CALM3: variants seen among roughly 807,000 people sequenced by gnomAD.
CALM3 encodes the protein calmodulin 3, also known as calmodulin-3.
A neutral mutation model predicts 20.1 loss-of-function variants in CALM3; 5 were observed. That is an observed-to-expected ratio of 0.25 (90% CI 0.13 to 0.52). The LOEUF is 0.52. Among genes scored for constraint, CALM3 ranks in the 20% least tolerant of loss-of-function variants. CALM3 has a pLI of 0.96. For missense variants in CALM3, 57 were observed against 192.8 expected (o/e 0.30, Z 4.17); for synonymous variants, 69 against 68.1 (o/e 1.01, Z -0.06).
rs1036423322 is a variant in CALM3 at position 46,601,375 on chromosome 19, AGCT to A, written c.-54_-52del. The A allele has an allele frequency of 7.4e-6, 11 of 1,493,470 alleles. 1 individual carries two copies. In the Admixed American group the frequency reaches 2.3e-4, roughly 31 times the overall value. 92.5% of individuals were successfully genotyped at this position (1,493,470 alleles called of 1,614,324 possible). ...CGCGCGGCGGAGCTGGAACTGCTGCAGCTGCTGCCGCCGCCGGAGGAACCTTGA... is the reference window on the plus strand; with the variant it reads ...CGCGCGGCGGAGCTGGAACTGCTGCAGCTGCCGCCGCCGGAGGAACCTTGA... On this transcript the variant is annotated 5_prime_UTR_variant, in exon 1 of 6. Coordinates refer to ENST00000291295, the MANE Select transcript of CALM3 (RefSeq NM_005184.4). The surrounding 1 kb of genome is among the most constrained non-coding windows in gnomAD (Gnocchi z 4.2).
chr19:46,601,321 G>C, upstream of CALM3: 3 of 979,104 alleles, frequency 3.1e-6, no homozygotes, highest in Non-Finnish European at 4.0e-6. The surrounding 1 kb of genome is among the most constrained non-coding windows in gnomAD (Gnocchi z 4.2). Context: ...GGCGGCGCGC[G>C]CTGCGGGCAG....
chr19:46,601,957 G>GA lies in CALM3; in HGVS notation c.3+520_3+521insA. The stretch of plus-strand genomic sequence containing the variant: ...GGTAGCTGGGCCCGGGCGGGGAGGG[G>GA]CGACCCCTGGGCTCCTGTGGAGCAG... On this transcript the variant is annotated intron_variant, in intron 1 of 5. Coordinates refer to ENST00000291295, the MANE Select transcript of CALM3 (RefSeq NM_005184.4). This position sits in a 1 kb window ranked among gnomAD's most constrained non-coding sequence, Gnocchi z 4.2. 1.9e-6 allele frequency: 1 copy of GA among 523,104 alleles called. No homozygotes were observed. The highest frequency in any genetic ancestry group is 3.0e-6 in the Non-Finnish European group (1 of 332,654). 32.4% of individuals were successfully genotyped at this position (523,104 alleles called of 1,614,324 possible).
chr19:46,608,337 G>C lies in CALM3; in HGVS notation c.175G>C (p.Asp59His). ...LQDMINEVDA[D>H]GNGTIDFPEF... ...GGATATGATCAATGAGGTGGATGCA[G>C]ATGGTGAGCCCCACAGAGCGCGTGG... The change falls in exon 3 of 6, where the codon GAT becomes CAT. Residue 59 changes from aspartate to histidine, a missense_variant. Asp to His is a moderately conservative substitution (Grantham distance 81). Coordinates refer to ENST00000291295, the MANE Select transcript of CALM3 (RefSeq NM_005184.4). This position sits in a 1 kb window ranked among gnomAD's most constrained non-coding sequence, Gnocchi z 5.5. 6.2e-7 allele frequency: 1 copy of C among 1,614,110 alleles called. No individual in the cohort carries two copies. Among genetic ancestry groups the C allele is most frequent in the Non-Finnish European group, 8.5e-7 (1 of 1,179,974 alleles).
At position 46,609,126 on chromosome 19, in the gene CALM3, G is replaced by A. The variant is rs370101432; in HGVS notation, c.423G>A (p.Glu141=). 2 of 1,614,122 alleles carry A rather than the reference G, an allele frequency of 1.2e-6. No individual in the cohort carries two copies. Among genetic ancestry groups the A allele is most frequent in the Non-Finnish European group, 8.5e-7 (1 of 1,180,002 alleles). The change falls in exon 6 of 6, where the codon GAG becomes GAA. Residue 141 remains glutamate (E), a splice_region_variant and synonymous_variant. Transcript: ENST00000291295. ...CTCTCTCTCTGCTTCACTCCACAGA[G>A]TTTGTACAGATGATGACTGCAAAGT... ...IDGDGQVNYE[E]FVQMMTAK
In CALM3 at chr19:46,608,188, T is replaced by C. The variant is rs1262949304; in HGVS notation, c.35-9T>C. ...TGTGACCTCTGACTCCTCCCCCTTC[T>C]TCCCCCAGAGTTCAAGGAGGCCTTC... On this transcript the variant is annotated splice_polypyrimidine_tract_variant and intron_variant, in intron 2 of 5. Coordinates refer to ENST00000291295, the MANE Select transcript of CALM3 (RefSeq NM_005184.4). This position sits in a 1 kb window ranked among gnomAD's most constrained non-coding sequence, Gnocchi z 5.5. 9 of 1,612,616 alleles carry C rather than the reference T, an allele frequency of 5.6e-6. No homozygotes were observed. The South Asian group carries it at 9.9e-5, about 18-fold the overall frequency.
chr19:46,607,843 T>G, intron 2 of CALM3: 1 of 161,116 alleles, frequency 6.2e-6, no homozygotes, highest in Non-Finnish European at 1.1e-5. Context: ...CTCCATGACT[T>G]TGGTTCATTT....
rs373845333 is a variant in CALM3, at chr19:46,609,206, G to A, written c.*53G>A. The A allele has an allele frequency of 1.3e-5, 20 of 1,571,262 alleles. No individual in the cohort carries two copies. The African/African-American group carries it at 1.8e-4, about 14-fold the overall frequency. ...GTTCTCTTGATCTCTCTCTTCTCGC[G>A]CGCGCACTCTCTCTTCAACACTCCC... On this transcript the variant is annotated 3_prime_UTR_variant, in exon 6 of 6. Transcript: ENST00000291295.
chr19:46,604,478 C>A (rs2122225886), intron 1 of CALM3, among the ~76,000 whole-genome samples: 2 of 151,880 alleles, frequency 1.3e-5, no homozygotes, highest in South Asian at 4.2e-4. Flanking sequence ...CCTCTCCCCT[C>A]TGTGATCATC....
chr19:46,607,659 C>G (rs1971771330), intron 2 of CALM3, among the ~76,000 whole-genome samples: 1 of 152,222 alleles, frequency 6.6e-6, no homozygotes, highest in Non-Finnish European at 1.5e-5. Context: ...GGCTCAGCTC[C>G]TTTGGAAGCT....
Position 46,608,726 on chromosome 19 carries a change from C to A in CALM3, c.286-120C>A. 1 of 1,318,958 alleles carries A rather than the reference C, an allele frequency of 7.6e-7. No individual in the cohort carries two copies. The highest frequency in any genetic ancestry group is 1.0e-6 in the Non-Finnish European group (1 of 956,698). 81.7% of individuals were successfully genotyped at this position (1,318,958 alleles called of 1,614,324 possible). ...CCTCATTGCCAACCTGCTCTGCCAC[C>A]TCAGGCAGCCTCCCTCACTGTGCTC... On this transcript the variant is annotated intron_variant, in intron 4 of 5. Transcript: ENST00000291295. This position sits in a 1 kb window ranked among gnomAD's most constrained non-coding sequence, Gnocchi z 5.5.
In CALM3 at chr19:46,608,115, C is replaced by T. The variant is rs1409965309; in HGVS notation, c.35-82C>T. On this transcript the variant is annotated intron_variant, in intron 2 of 5. Transcript: ENST00000291295. This position sits in a 1 kb window ranked among gnomAD's most constrained non-coding sequence, Gnocchi z 5.5. ...TGGGACTGATGCCCTTGGCCTTCCT[C>T]CAGGGAAGGCATCCAGCATCCAGAG... is the stretch of plus-strand genomic sequence containing the variant. 3.6e-6 allele frequency: 5 copies of T among 1,404,680 alleles called. No individual in the cohort carries two copies. The East Asian group carries it at 9.1e-5, about 26-fold the overall frequency. 87.0% of individuals were successfully genotyped at this position (1,404,680 alleles called of 1,614,324 possible).
At chr19:46,606,202 C>A in intron 2 of CALM3, 1 of 268,262 alleles carries the variant, frequency 3.7e-6, no homozygotes, top group Non-Finnish European at 7.2e-6. Context: ...TCCCTGCCTC[C>A]CTGTGGGGCC....
At chr19:46,604,337 C>A (rs149133887) in intron 1 of CALM3, among the ~76,000 whole-genome samples, 1 of 152,060 alleles carries the variant, frequency 6.6e-6, no homozygotes, top group African/African-American at 2.4e-5. Flanking sequence ...AGAAGCCCAA[C>A]CACCCTGTCT....
chr19:46,605,986 G>T lies in CALM3; in HGVS notation c.34+129G>T. On this transcript the variant is annotated intron_variant, in intron 2 of 5. Coordinates refer to ENST00000291295, the MANE Select transcript of CALM3 (RefSeq NM_005184.4). This position sits in a 1 kb window ranked among gnomAD's most constrained non-coding sequence, Gnocchi z 4.1. ...CTTGTGTCACCTAACACTATGCCTT[G>T]TGCCTAGAATGCTGATAAATGTGTG... 1 of 813,112 alleles carries T rather than the reference G, an allele frequency of 1.2e-6. No homozygotes were observed. Among genetic ancestry groups the T allele is most frequent in the Non-Finnish European group, 2.1e-6 (1 of 480,208 alleles). 50.4% of individuals were successfully genotyped at this position (813,112 alleles called of 1,614,324 possible).
chr19:46,608,405 C>T lies in CALM3; in HGVS notation c.178+65C>T. ...CACCCCGAGTGACTGCAGGGAGCCT[C>T]TCTCAGGGTGATGGATGAGCCCGTG... On this transcript the variant is annotated intron_variant, in intron 3 of 5. Transcript: ENST00000291295. The surrounding 1 kb of genome is among the most constrained non-coding windows in gnomAD (Gnocchi z 5.5). The T allele has an allele frequency of 1.9e-6, 3 of 1,610,832 alleles. No homozygotes were observed. The highest frequency in any genetic ancestry group is 2.5e-6 in the Non-Finnish European group (3 of 1,177,252).
At position 46,605,907 on chromosome 19, in the gene CALM3, C is replaced by T; in HGVS notation, c.34+50C>T. 1.3e-6 allele frequency: 2 copies of T among 1,575,818 alleles called. No individual in the cohort carries two copies. Among genetic ancestry groups the T allele is most frequent in the African/African-American group, 1.3e-5 (1 of 74,270 alleles). ...TAGCTCAGGAAAGCCTCCACATCCCCAGCCAAATCTTAGCCACTGAGGAGT... is the reference window on the plus strand; with the variant it reads ...TAGCTCAGGAAAGCCTCCACATCCCTAGCCAAATCTTAGCCACTGAGGAGT... On this transcript the variant is annotated intron_variant, in intron 2 of 5. Coordinates refer to ENST00000291295, the MANE Select transcript of CALM3 (RefSeq NM_005184.4). This position sits in a 1 kb window ranked among gnomAD's most constrained non-coding sequence, Gnocchi z 4.1.
At chr19:46,604,547 GTTT>G (rs34621966) in intron 1 of CALM3, among the ~76,000 whole-genome samples, 9 of 133,844 alleles carry the variant, frequency 6.7e-5, no homozygotes, top group Non-Finnish European at 9.4e-5. Context: ...CTTCCGTTAG[GTTT>G]TTTTTTTTTT....
chr19:46,609,201 C>G lies in CALM3; in HGVS notation c.*48C>G, dbSNP rs747668761. 3.2e-6 allele frequency: 5 copies of G among 1,584,694 alleles called. No individual in the cohort carries two copies. In the East Asian group the frequency reaches 1.1e-4, roughly 36 times the overall value. ...TGCCCGTTCTCTTGATCTCTCTCTT[C>G]TCGCGCGCGCACTCTCTCTTCAACA... On this transcript the variant is annotated 3_prime_UTR_variant, in exon 6 of 6. Coordinates refer to ENST00000291295, the MANE Select transcript of CALM3 (RefSeq NM_005184.4).
At chr19:46,607,620 C>T (rs1025754999) in intron 2 of CALM3, among the ~76,000 whole-genome samples, 6 of 152,218 alleles carry the variant, frequency 3.9e-5, no homozygotes, top group Non-Finnish European at 4.4e-5. Flanking sequence ...GTTCTGCTGC[C>T]GACCACCCCC....
Sources: gnomAD v4.1 joint callset for allele counts (sites outside exome capture counted in the v4.1 genomes callset) on GRCh38, gnomAD v4.1.1 for gene constraint, Gnocchi (gnomAD v3.1) non-coding constraint, MANE v1.5 for transcripts, NCBI Gene and HGNC (gene_info 2026-07-23, HGNC 2026-07-21) for gene names.